Variants in DISP1 observed in about 807,000 individuals in gnomAD.
DISP1 encodes the protein protein dispatched homolog 1.
In DISP1, 30 loss-of-function variants were observed where a neutral mutation model predicts 37.3. That is an observed-to-expected ratio of 0.80 (90% CI 0.60 to 1.09). The LOEUF (loss-of-function observed/expected upper bound fraction) is 1.09. Ranked by LOEUF, DISP1 falls within the 50% of genes least tolerant of loss-of-function variation. The pLI is 0.00. For missense variants in DISP1, 1,598 were observed against 1,879.5 expected (o/e 0.85, Z 2.77); for synonymous variants, 634 against 690.2 (o/e 0.92, Z 1.28).
At chr1:222,908,662 G>A (rs542331680) in intron 1 of DISP1, among the ~76,000 whole-genome samples, 13 of 152,214 alleles carry the variant, frequency 8.5e-5, no homozygotes, top group African/African-American at 3.1e-4. Context: ...CCAAAGTGCT[G>A]GGATTACAGG....
intron 2 of DISP1, among the ~76,000 whole-genome samples, chr1:222,929,216 C>T (rs964154315): frequency 6.6e-6 from 1 of 152,082 alleles, no homozygotes; most frequent in Non-Finnish European, 1.5e-5. Flanking sequence ...ACAATAGTGA[C>T]TGCATATGAT....
intron 1 of DISP1, among the ~76,000 whole-genome samples, chr1:222,862,051 G>A (rs887942161): frequency 7.9e-5 from 12 of 152,180 alleles, no homozygotes; most frequent in Non-Finnish European, 1.2e-4. Flanking sequence ...AGACTGGGAT[G>A]TCATCAAGGG....
At chr1:222,988,682 G>C (rs1229061578) in intron 4 of DISP1, among the ~76,000 whole-genome samples, 1 of 116,920 alleles carries the variant, frequency 8.6e-6, no homozygotes, top group African/African-American at 3.3e-5. Flanking sequence ...TTTTTTGACA[G>C]AGTGTTGCTC....
At chr1:222,817,814 T>G (rs1318033210) in intron 1 of DISP1, among the ~76,000 whole-genome samples, 1 of 152,274 alleles carries the variant, frequency 6.6e-6, no homozygotes, top group Non-Finnish European at 1.5e-5. Flanking sequence ...CTGTCCATTC[T>G]GCTGAATCTG....
intron 3 of DISP1, among the ~76,000 whole-genome samples, chr1:222,945,532 C>T (rs1227058676): frequency 1.3e-5 from 2 of 152,158 alleles, no homozygotes; most frequent in African/African-American, 4.8e-5. Flanking sequence ...CCAATTCTTT[C>T]AGTATGGAAG....
chr1:222,956,388 A>C (rs1382328983), intron 3 of DISP1, among the ~76,000 whole-genome samples: 1 of 152,250 alleles, frequency 6.6e-6, no homozygotes, highest in Non-Finnish European at 1.5e-5. Flanking sequence ...AAGTTTAGCA[A>C]GAAATCAGAT....
In DISP1 at chr1:223,005,638, G is replaced by A. The variant is rs775056082; in HGVS notation, c.4241G>A (p.Arg1414Lys). 1.9e-6 allele frequency: 3 copies of A among 1,614,080 alleles called. No homozygotes were observed. The highest frequency in any genetic ancestry group is 1.6e-4 in the Middle Eastern group (1 of 6,062). ...TGTTGCGACCCCGAGAATAAACAAA[G>A]GGAACTCTGTAAAAATAGAGACGTG... is the stretch of plus-strand genomic sequence containing the variant. ...KTCCDPENKQRELCKNRDVSN... is the reference protein window; with the variant it reads ...KTCCDPENKQKELCKNRDVSN... The change falls in exon 9 of 9, where the codon AGG becomes AAG. Residue 1414 changes from arginine (R) to lysine (K), a missense_variant. By Grantham distance (26) the Arg-to-Lys change is conservative (BLOSUM62 2). Transcript: ENST00000675850.
intron 1 of DISP1, among the ~76,000 whole-genome samples, chr1:222,902,464 TA>T (rs1671650751): frequency 1.3e-5 from 2 of 152,194 alleles, no homozygotes; most frequent in Admixed American, 1.3e-4. Flanking sequence ...GGGATCTAAT[TA>T]AACTAAACAG....
chr1:222,995,095 C>A (rs1397522062), intron 8 of DISP1, 113 bp downstream of exon 8: 8 of 850,206 alleles, frequency 9.4e-6, no homozygotes, highest in Non-Finnish European at 1.6e-5. Context: ...AGAGGCTTAC[C>A]TACTGAGGAG....
intron 1 of DISP1, among the ~76,000 whole-genome samples, chr1:222,880,754 T>C (rs937396145): frequency 2.0e-5 from 3 of 152,176 alleles, no homozygotes; most frequent in Non-Finnish European, 4.4e-5. Context: ...ACTTGGTGGT[T>C]AGTCATCTTA....
chr1:222,843,827 A>G (rs546577175), intron 1 of DISP1, among the ~76,000 whole-genome samples: 2 of 152,252 alleles, frequency 1.3e-5, no homozygotes, highest in South Asian at 4.1e-4. Flanking sequence ...GGCCCCAAAC[A>G]GATAACATTC....
intron 8 of DISP1, among the ~76,000 whole-genome samples, chr1:222,995,689 C>T (rs1679012662): frequency 1.3e-5 from 2 of 152,266 alleles, no homozygotes; most frequent in South Asian, 4.1e-4. Context: ...GATAGTTTCT[C>T]TAAATAGAAA....
rs1572574587 is a variant in DISP1 at position 222,942,893 on chromosome 1, A to G, written c.70A>G (p.Asn24Asp). Residue 24 changes from asparagine (N) to aspartate (D), a missense_variant, in exon 3 of 9, where the codon AAC becomes GAC. Coordinates refer to ENST00000675850, the MANE Select transcript of DISP1 (RefSeq NM_001377229.1). The part of the protein sequence containing the change: ...SNSSIATSAA[N>D]PSPLTPCDGD... The stretch of plus-strand genomic sequence containing the variant: ...CAGCAGCATCGCAACCAGTGCTGCT[A>G]ACCCGAGTCCCCTCACCCCCTGTGA... The G allele has an allele frequency of 6.2e-7, 1 of 1,614,190 alleles. No homozygotes were observed. Among genetic ancestry groups the G allele is most frequent in the South Asian group, 1.1e-5 (1 of 91,080 alleles).
rs1330903718 is a variant in DISP1, at chr1:222,992,120, A to G, written c.889+10A>G. 3.1e-6 allele frequency: 5 copies of G among 1,600,308 alleles called. No homozygotes were observed. The highest frequency in any genetic ancestry group is 1.1e-5 in the South Asian group (1 of 90,818). The stretch of plus-strand genomic sequence containing the variant: ...TTCTGCGACGTTCCAAGTGAGTGAC[A>G]TTGTAGATGAACAAACCACTCAGCA... On this transcript the variant is annotated intron_variant, in intron 7 of 8. Coordinates refer to ENST00000675850, the MANE Select transcript of DISP1 (RefSeq NM_001377229.1).
chr1:222,940,127 A>G (rs1674275437), intron 2 of DISP1, among the ~76,000 whole-genome samples: 2 of 146,426 alleles, frequency 1.4e-5, no homozygotes, highest in Non-Finnish European at 3.1e-5. Context: ...CTCCATCTCA[A>G]AAAAAAAAAG....
intron 3 of DISP1, 173 bp downstream of exon 3, chr1:222,943,505 G>A (rs1478990317): frequency 1.2e-6 from 1 of 814,902 alleles, no homozygotes; most frequent in East Asian, 2.7e-5. Context: ...AAATAATACT[G>A]TATATCGATT....
At chr1:222,850,487 A>G (rs779767440) in intron 1 of DISP1, among the ~76,000 whole-genome samples, 1 of 152,156 alleles carries the variant, frequency 6.6e-6, no homozygotes, top group Non-Finnish European at 1.5e-5. Context: ...GTGGTTTGTT[A>G]CATAGGTAAA....
chr1:222,898,774 T>C (rs1340316192), intron 1 of DISP1, among the ~76,000 whole-genome samples: 1 of 152,208 alleles, frequency 6.6e-6, no homozygotes, highest in Non-Finnish European at 1.5e-5. Context: ...CAGTGTTTAA[T>C]AGATAATGTA....
At chr1:222,917,077 A>C (rs1558327950) in intron 1 of DISP1, among the ~76,000 whole-genome samples, 1 of 152,204 alleles carries the variant, frequency 6.6e-6, no homozygotes, top group African/African-American at 2.4e-5. Context: ...GCAGCTGACC[A>C]ATCGTTATCT....
Sources: allele counts gnomAD v4.1 joint callset (sites outside exome capture counted in the v4.1 genomes callset), GRCh38; gene constraint gnomAD v4.1.1; transcripts MANE v1.5; gene names NCBI Gene and HGNC (gene_info 2026-07-23, HGNC 2026-07-21).